C5orf24: variants seen among roughly 807,000 people sequenced by gnomAD.
C5orf24 encodes UPF0461 protein C5orf24.
Under a neutral mutation model 9.8 loss-of-function variants are expected in C5orf24, and 4 were observed. The ratio of observed to expected loss-of-function variants is 0.41; its 90% CI spans 0.20 to 0.93. The LOEUF (loss-of-function observed/expected upper bound fraction) is 0.93, where lower values mean the gene tolerates loss of function less well. C5orf24 is among the 40% of genes least tolerant of loss of function. The pLI, the probability that C5orf24 is intolerant of heterozygous loss-of-function variation, is 0.33. For synonymous variants in C5orf24, 73 were observed against 81.3 expected, an observed-to-expected ratio of 0.90 and a Z score of 0.55; for missense variants, 170 against 236.9, an observed-to-expected ratio of 0.72 and a Z score of 1.85.
intron 1 of C5orf24, among the ~76,000 whole-genome samples, chr5:134,852,427 T>G (rs1389715431): frequency 6.6e-6 from 1 of 152,262 alleles, no homozygotes; most frequent in African/African-American, 2.4e-5. Flanking sequence ...GCTCTGTTGA[T>G]TCTCAGCAAA....
In C5orf24 at chr5:134,846,224, T is replaced by A. The variant is rs1210195143; in HGVS notation, c.-4+12T>A. 5 of 152,074 alleles carry A rather than the reference T, an allele frequency of 3.3e-5. No homozygotes were observed. The East Asian group carries it at 7.8e-4, about 24-fold the overall frequency. The allele number at this position is 152,074 out of a possible 1,614,324, so 9.4% of individuals were successfully genotyped here. On this transcript the variant is annotated intron_variant, in intron 1 of 1. Transcript: ENST00000394976. ...TACGAGCGGCTGAGGTAGGTAGGGG[T>A]GCGCGGGCTGGTCAGCCGGCCGGGA...
At chr5:134,844,218 AAAAC>A (rs1331512397), upstream of C5orf24, among the ~76,000 whole-genome samples, 1 of 152,194 alleles carries the variant, frequency 6.6e-6, no homozygotes, top group East Asian at 1.9e-4. Flanking sequence ...GCTTAGAAAA[AAAAC>A]TTGTTTTTAG....
At position 134,857,238 on chromosome 5, in the gene C5orf24, AC is replaced by A; in HGVS notation, c.*1774del. 7.5e-7 allele frequency: 1 copy of A among 1,330,118 alleles called. No individual in the cohort carries two copies. Among genetic ancestry groups the A allele is most frequent in the Non-Finnish European group, 9.7e-7 (1 of 1,029,162 alleles). 82.4% of individuals were successfully genotyped at this position (1,330,118 alleles called of 1,614,324 possible). A position where few individuals can be genotyped will look rare whatever the true frequency, so the allele number is the denominator to read the frequency against. ...TGAGATTAAAATGTAGAATTGCAGG[AC>A]CCAAAAACTTTTAAAATAATTAAAA... is the stretch of plus-strand genomic sequence containing the variant. On this transcript the variant is annotated 3_prime_UTR_variant, in exon 2 of 2. Transcript: ENST00000394976.
At chr5:134,845,221 G>A (rs1755961194), upstream of C5orf24, among the ~76,000 whole-genome samples, 1 of 152,206 alleles carries the variant, frequency 6.6e-6, no homozygotes, top group Admixed American at 6.5e-5. Flanking sequence ...CTGGCTCAGG[G>A]CTGTGCTTAT....
intron 1 of C5orf24, among the ~76,000 whole-genome samples, chr5:134,850,608 G>T (rs1756131106): frequency 6.6e-6 from 1 of 151,942 alleles, no homozygotes; most frequent in Non-Finnish European, 1.5e-5. Flanking sequence ...GAGTAGCTGG[G>T]ATTACAGGCG....
intron 1 of C5orf24, chr5:134,846,884 T>C (rs1756011213): frequency 1.3e-5 from 2 of 152,230 alleles, no homozygotes; most frequent in African/African-American, 4.8e-5. Flanking sequence ...AATCTTCATT[T>C]AGAATTATGA....
upstream of C5orf24, among the ~76,000 whole-genome samples, chr5:134,842,554 G>A (rs1479175700): frequency 2.6e-5 from 4 of 151,990 alleles, no homozygotes; most frequent in Non-Finnish European, 5.9e-5. Flanking sequence ...GTCAGAGGGT[G>A]AGTAAACCTG....
At chr5:134,847,997 C>T (rs1580838584) in intron 1 of C5orf24, among the ~76,000 whole-genome samples, 5 of 152,322 alleles carry the variant, frequency 3.3e-5, no homozygotes, top group South Asian at 2.1e-4. Context: ...GCCACCGCGC[C>T]GGACCATTCT....
At chr5:134,834,682 C>T in the C5orf24 span, among the ~76,000 whole-genome samples, 5 of 151,874 alleles carry the variant, frequency 3.3e-5, no homozygotes, top group Admixed American at 3.3e-4. Context: ...TTTGGGAGGC[C>T]GAGGAGGGTG....
Position 134,857,327 on chromosome 5 carries a change from G to T in C5orf24, c.*1860G>T. 6.5e-7 allele frequency: 1 copy of T among 1,540,226 alleles called. No homozygotes were observed. Among genetic ancestry groups the T allele is most frequent in the Non-Finnish European group, 8.8e-7 (1 of 1,140,388 alleles). ...ATTAATGCAAACTCTGATTGCAAATGGATGTCATGTTTCATACCTTTTTTA... is the reference window on the plus strand; with the variant it reads ...ATTAATGCAAACTCTGATTGCAAATTGATGTCATGTTTCATACCTTTTTTA... On this transcript the variant is annotated 3_prime_UTR_variant, in exon 2 of 2. Coordinates refer to ENST00000394976, the MANE Select transcript of C5orf24 (RefSeq NM_001135586.1).
the C5orf24 span, among the ~76,000 whole-genome samples, chr5:134,834,827 A>G: frequency 6.6e-6 from 1 of 151,946 alleles, no homozygotes; most frequent in Admixed American, 6.6e-5. Flanking sequence ...CAGGCAGATC[A>G]CAAGGTTAGG....
rs1167023781 is a variant in C5orf24 at position 134,855,611 on chromosome 5, A to G, written c.*144A>G. 6.8e-7 allele frequency: 1 copy of G among 1,481,096 alleles called. No homozygotes were observed. The highest frequency in any genetic ancestry group is 8.9e-7 in the Non-Finnish European group (1 of 1,120,192). The allele number at this position is 1,481,096 out of a possible 1,614,324, so 91.7% of individuals were successfully genotyped here. ...TTTGGTTTTTTTCCTGCTTTTGCTC[A>G]AAAACTGCCATATGCTGACAGATGC... On this transcript the variant is annotated 3_prime_UTR_variant, in exon 2 of 2. Coordinates refer to ENST00000394976, the MANE Select transcript of C5orf24 (RefSeq NM_001135586.1).
chr5:134,844,731 T>TTTG (rs146228668), upstream of C5orf24, among the ~76,000 whole-genome samples: 15 of 148,820 alleles, frequency 1.0e-4, no homozygotes, highest in African/African-American at 2.7e-4. Flanking sequence ...TCCAGAGTTT[T>TTTG]TTGTTGTTGT....
upstream of C5orf24, among the ~76,000 whole-genome samples, chr5:134,843,745 G>T (rs535807891): frequency 4.6e-5 from 7 of 152,242 alleles, no homozygotes; most frequent in South Asian, 1.5e-3. Context: ...AGTAGAGACA[G>T]GGTTTCACCA....
chr5:134,836,938 C>T, the C5orf24 span, among the ~76,000 whole-genome samples: 1 of 152,000 alleles, frequency 6.6e-6, no homozygotes, highest in Non-Finnish European at 1.5e-5. Context: ...TGGGAGGGTA[C>T]TTGAACAACC....
At chr5:134,842,934 G>A (rs917389230), upstream of C5orf24, among the ~76,000 whole-genome samples, 2 of 151,912 alleles carry the variant, frequency 1.3e-5, no homozygotes, top group Non-Finnish European at 2.9e-5. Flanking sequence ...TCCTTTGCAA[G>A]TCTTCCTCAG....
intron 1 of C5orf24, among the ~76,000 whole-genome samples, chr5:134,850,991 CATATATTTATTT>C (rs1756144308): frequency 6.9e-6 from 1 of 145,150 alleles, no homozygotes; most frequent in Non-Finnish European, 1.5e-5. Context: ...TACAGAAATA[CATATATTTATTT>C]ATTTATTTAT....
chr5:134,844,933 T>A (rs1755952774), upstream of C5orf24, among the ~76,000 whole-genome samples: 1 of 152,118 alleles, frequency 6.6e-6, no homozygotes, highest in East Asian at 1.9e-4. Flanking sequence ...AGAAGGGGTT[T>A]CACCATGTTA....
chr5:134,840,481 C>T, the C5orf24 span, among the ~76,000 whole-genome samples: 1 of 151,916 alleles, frequency 6.6e-6, no homozygotes, highest in Non-Finnish European at 1.5e-5. Context: ...CTCAAGTGGT[C>T]CTCCCTCCTT....
Sources: gnomAD v4.1 joint callset for allele counts (sites outside exome capture counted in the v4.1 genomes callset) on GRCh38, gnomAD v4.1.1 for gene constraint, MANE v1.5 for transcripts, NCBI Gene and HGNC (gene_info 2026-07-23, HGNC 2026-07-21) for gene names.